Variants in EEF2KMT observed in about 807,000 individuals in gnomAD.
EEF2KMT encodes eukaryotic elongation factor 2 lysine methyltransferase.
In EEF2KMT, 30 loss-of-function variants were observed where a neutral mutation model predicts 35.1. The ratio of observed to expected loss-of-function variants is 0.85; its 90% CI spans 0.64 to 1.16. The LOEUF (loss-of-function observed/expected upper bound fraction) is 1.16, where lower values mean the gene tolerates loss of function less well. Ranked by LOEUF, EEF2KMT falls within the 50% of genes most tolerant of loss-of-function variation. EEF2KMT has a pLI of 0.00. For synonymous variants in EEF2KMT, 190 were observed against 187.7 expected (o/e 1.01, Z -0.10); for missense variants, 499 against 438.2 (o/e 1.14, Z -1.24).
In EEF2KMT at chr16:5,092,816, G is replaced by A. The variant is rs141795422; in HGVS notation, c.240+668C>T. Reference sequence around the variant, plus strand: ...TGTCTCTATTAAAAATAAAAAATTAGCCAGGCATGGTGGCGTGTGCCTGTA... The same window carrying A: ...TGTCTCTATTAAAAATAAAAAATTAACCAGGCATGGTGGCGTGTGCCTGTA... On this transcript the variant is annotated intron_variant, in intron 3 of 7. Transcript: ENST00000427587. Among the ~76,000 whole-genome samples the A allele has an allele frequency of 8.7e-3, 1,324 of 152,254 alleles. 23 individuals carry two copies. The highest frequency in any genetic ancestry group is 0.031 in the African/African-American group (1,280 of 41,550).
intron 6 of EEF2KMT, among the ~76,000 whole-genome samples, chr16:5,089,714 T>C (rs1957299422): frequency 6.6e-6 from 1 of 152,138 alleles, no homozygotes; most frequent in Non-Finnish European, 1.5e-5. Flanking sequence ...CTGAGTGTGC[T>C]GGCAGGGGTG....
At chr16:5,094,386 C>T (rs533441976) in intron 2 of EEF2KMT, among the ~76,000 whole-genome samples, 2 of 152,306 alleles carry the variant, frequency 1.3e-5, no homozygotes, top group South Asian at 2.1e-4. Flanking sequence ...CCTCAGCCTC[C>T]TGAGTAGCTG....
intron 4 of EEF2KMT, among the ~76,000 whole-genome samples, chr16:5,091,480 G>C (rs1219797476): frequency 6.6e-6 from 1 of 152,238 alleles, no homozygotes; most frequent in East Asian, 1.9e-4. Flanking sequence ...CTCCCAAAGC[G>C]CTGGGATTAC....
Position 5,091,162 on chromosome 16 carries a change from A to C in EEF2KMT, c.343-597T>G, listed in dbSNP as rs62036253. Among the ~76,000 whole-genome samples, 30 of 151,980 alleles carry C rather than the reference A, an allele frequency of 2.0e-4. No individual in the cohort carries two copies. In the South Asian group the frequency reaches 5.2e-3, roughly 26 times the overall value. On this transcript the variant is annotated intron_variant, in intron 4 of 7. Coordinates refer to ENST00000427587, the MANE Select transcript of EEF2KMT (RefSeq NM_201400.4). Reference sequence around the variant, plus strand: ...AATAGCATGATCTTGGCTCACTACAACCTCCACCTCCTGGGTTGAAGAGAT... The same window carrying C: ...AATAGCATGATCTTGGCTCACTACACCCTCCACCTCCTGGGTTGAAGAGAT...
In EEF2KMT at chr16:5,085,196, G is replaced by T. The variant is rs1957112022; in HGVS notation, c.*436C>A. The T allele has an allele frequency of 1.4e-5, 8 of 568,380 alleles. No individual in the cohort carries two copies. The highest frequency in any genetic ancestry group is 2.2e-5 in the Non-Finnish European group (7 of 320,340). The allele number at this position is 568,380 out of a possible 1,614,324, so 35.2% of individuals were successfully genotyped here. A position where few individuals can be genotyped will look rare whatever the true frequency, so the allele number is the denominator to read the frequency against. ...CTCCTCATCCTGCGTTTGGTCTCCA[G>T]GTGTCCCCTTTCTGCCGTGTTCCTA... is the stretch of plus-strand genomic sequence containing the variant. On this transcript the variant is annotated 3_prime_UTR_variant, in exon 8 of 8. Coordinates refer to ENST00000427587, the MANE Select transcript of EEF2KMT (RefSeq NM_201400.4).
chr16:5,085,093 T>G lies in EEF2KMT; in HGVS notation c.*539A>C, dbSNP rs1294153199. 4 of 843,034 alleles carry G rather than the reference T, an allele frequency of 4.7e-6. No homozygotes were observed. Among genetic ancestry groups the G allele is most frequent in the Non-Finnish European group, 7.3e-6 (4 of 548,128 alleles). The allele number at this position is 843,034 out of a possible 1,614,324, so 52.2% of individuals were successfully genotyped here. On this transcript the variant is annotated 3_prime_UTR_variant, in exon 8 of 8. Coordinates refer to ENST00000427587, the MANE Select transcript of EEF2KMT (RefSeq NM_201400.4). ...TCTCTGGAGGCTTGGAAACGCTTCC[T>G]CTCTTCTTCTGTTCTTCACGCCCCA...
At chr16:5,091,930 C>T (rs192373729) in intron 3 of EEF2KMT, 35 bp from the exon 4 acceptor site, 32 of 1,610,342 alleles carry the variant, frequency 2.0e-5, no homozygotes, top group South Asian at 3.3e-5. Flanking sequence ...TGTTTGCTTT[C>T]GTTCTAATCT....
chr16:5,088,132 G>T (rs1329176375), intron 7 of EEF2KMT, among the ~76,000 whole-genome samples: 1 of 151,846 alleles, frequency 6.6e-6, no homozygotes, highest in Non-Finnish European at 1.5e-5. Context: ...TGTGAAGATG[G>T]GGTCCCACTA....
intron 2 of EEF2KMT, among the ~76,000 whole-genome samples, chr16:5,094,552 T>C (rs1164681012): frequency 6.6e-6 from 1 of 152,192 alleles, no homozygotes; most frequent in Non-Finnish European, 1.5e-5. Context: ...TGTGAGCCAG[T>C]GCACCCAGCC....
intron 6 of EEF2KMT, 23 bp from the exon 7 acceptor site, chr16:5,089,279 C>G (rs1957289527): frequency 1.9e-6 from 3 of 1,600,384 alleles, no homozygotes; most frequent in African/African-American, 2.7e-5. Flanking sequence ...CTTCAGGTTA[C>G]TGAAAGGGAC....
intron 1 of EEF2KMT, among the ~76,000 whole-genome samples, chr16:5,096,886 G>A (rs1449200971): frequency 6.6e-6 from 1 of 152,214 alleles, no homozygotes; most frequent in Non-Finnish European, 1.5e-5. Context: ...AATTTCTCTT[G>A]ACCAGAAATG....
chr16:5,090,803 A>C lies in EEF2KMT; in HGVS notation c.343-238T>G, dbSNP rs1474112959. On this transcript the variant is annotated intron_variant, in intron 4 of 7. Transcript: ENST00000427587. The surrounding 1 kb of genome is among the most constrained non-coding windows in gnomAD (Gnocchi z 4.1). ...TCCATTCATCGAACCTTCCTGAGAC[A>C]ACGGAATTCTGGCGATGGAACACAT... Among the ~76,000 whole-genome samples, 1 of 152,178 alleles carries C rather than the reference A, an allele frequency of 6.6e-6. No homozygotes were observed. Among genetic ancestry groups the C allele is most frequent in the Non-Finnish European group, 1.5e-5 (1 of 68,018 alleles).
intron 1 of EEF2KMT, among the ~76,000 whole-genome samples, chr16:5,095,837 C>CTGCGTT (rs574414039): frequency 1.8e-5 from 1 of 55,056 alleles, no homozygotes; most frequent in African/African-American, 5.6e-5. Flanking sequence ...GGCTTGCCAT[C>CTGCGTT]TAAGTGGAGA....
chr16:5,095,416 C>T (rs769096044), intron 2 of EEF2KMT, 36 bp downstream of exon 2: 4 of 1,610,846 alleles, frequency 2.5e-6, no homozygotes, highest in Admixed American at 1.7e-5. Flanking sequence ...ATTCAGGAGG[C>T]AGGGTCATGA....
intron 2 of EEF2KMT, among the ~76,000 whole-genome samples, chr16:5,094,162 G>A (rs1001195121): frequency 2.6e-5 from 4 of 152,238 alleles, no homozygotes; most frequent in African/African-American, 9.7e-5. Context: ...GGAGGGAGAG[G>A]GAGGAGACGG....
intron 2 of EEF2KMT, among the ~76,000 whole-genome samples, chr16:5,094,144 A>G (rs1202278957): frequency 6.6e-6 from 1 of 152,238 alleles, no homozygotes; most frequent in African/African-American, 2.4e-5. Context: ...GCGGGAAAAC[A>G]GGAGCCTGGA....
In EEF2KMT at chr16:5,090,624, G is replaced by A. The variant is rs1351019296; in HGVS notation, c.343-59C>T. 6.2e-7 allele frequency: 1 copy of A among 1,607,028 alleles called. No individual in the cohort carries two copies. The highest frequency in any genetic ancestry group is 1.3e-5 in the African/African-American group (1 of 74,736). On this transcript the variant is annotated intron_variant, in intron 4 of 7. Transcript: ENST00000427587. This position sits in a 1 kb window ranked among gnomAD's most constrained non-coding sequence, Gnocchi z 4.1. ...CGATCAGAAGGCAAGTGGCTTAGAA[G>A]ACAAGTAGCCCCACCACATGGCTGA...
rs1316086165 is a variant in EEF2KMT at position 5,085,586 on chromosome 16, G to A, written c.*46C>T. 1.5e-6 allele frequency: 2 copies of A among 1,327,676 alleles called. No individual in the cohort carries two copies. Among genetic ancestry groups the A allele is most frequent in the African/African-American group, 2.9e-5 (2 of 69,338 alleles). The allele number at this position is 1,327,676 out of a possible 1,614,324, so 82.2% of individuals were successfully genotyped here. A position where few individuals can be genotyped will look rare whatever the true frequency, so the allele number is the denominator to read the frequency against. ...TTTCCCATATAAAAATTCTTCCCAT[G>A]AGAGTGACTTGATTCTCACAATCCC... On this transcript the variant is annotated 3_prime_UTR_variant, in exon 8 of 8. Transcript: ENST00000427587.
intron 3 of EEF2KMT, among the ~76,000 whole-genome samples, chr16:5,092,276 T>G (rs571873864): frequency 6.6e-6 from 1 of 152,114 alleles, no homozygotes; most frequent in South Asian, 2.1e-4. Flanking sequence ...CAGGTGACCA[T>G]GATAGAGAGC....
Sources: gnomAD v4.1 joint callset for allele counts (sites outside exome capture counted in the v4.1 genomes callset) on GRCh38, gnomAD v4.1.1 for gene constraint, Gnocchi (gnomAD v3.1) non-coding constraint, MANE v1.5 for transcripts, NCBI Gene and HGNC (gene_info 2026-07-23, HGNC 2026-07-21) for gene names.